Variants in SCUBE3 observed in about 807,000 individuals in gnomAD.
The protein encoded by SCUBE3 is signal peptide, CUB domain and EGF like domain containing 3, also known as signal peptide, CUB and EGF-like domain-containing protein 3.
A neutral mutation model predicts 116.8 loss-of-function variants in SCUBE3; 33 were observed. The observed-to-expected ratio is 0.28, with a 90% CI of 0.21 to 0.38. The LOEUF (loss-of-function observed/expected upper bound fraction) is 0.38. Ranked by LOEUF, SCUBE3 falls within the 10% of genes least tolerant of loss-of-function variation. SCUBE3 has a pLI of 1.00. For synonymous variants in SCUBE3, 418 were observed against 496.9 expected (o/e 0.84, Z 2.11); for missense variants, 1,007 against 1,324.8 (o/e 0.76, Z 3.72).
At position 35,235,433 on chromosome 6, in the gene SCUBE3, C is replaced by T; in HGVS notation, c.712+2132C>T. 7.8e-7 allele frequency: 1 copy of T among 1,279,550 alleles called. No individual in the cohort carries two copies. Among genetic ancestry groups the T allele is most frequent in the South Asian group, 1.2e-5 (1 of 80,818 alleles). The allele number at this position is 1,279,550 out of a possible 1,614,324, so 79.3% of individuals were successfully genotyped here. A position where few individuals can be genotyped will look rare whatever the true frequency, so the allele number is the denominator to read the frequency against. On this transcript the variant is annotated intron_variant, in intron 6 of 21. Coordinates refer to ENST00000274938, the MANE Select transcript of SCUBE3 (RefSeq NM_152753.4). This position sits in a 1 kb window ranked among gnomAD's most constrained non-coding sequence, Gnocchi z 4.5. ...GCCCAGCACCTAAACAGCTTTTTTA[C>T]AATGTCAAACAGGGGAAAGGCGGCT...
In SCUBE3 at chr6:35,244,801, C is replaced by T. The variant is rs34349325; in HGVS notation, c.2391C>T (p.Ala797=). ...ACTTTGATGGCTCTACCAGTGTGGC[C>T]CAATGCAAGAGTACGTGGCAAGCCA... The part of the protein sequence containing the change: ...STDFDGSTSV[A]QCKNRQCGGE... The change falls in exon 18 of 22, where the codon GCC becomes GCT. Residue 797 remains alanine (A), a synonymous_variant. Transcript: ENST00000274938. The surrounding 1 kb of genome is among the most constrained non-coding windows in gnomAD (Gnocchi z 4.3). 247 of 1,614,142 alleles carry T rather than the reference C, an allele frequency of 1.5e-4. No homozygotes were observed. The African/African-American group carries it at 3.1e-3, about 21-fold the overall frequency.
chr6:35,215,387 TC>T (rs1782844400), intron 1 of SCUBE3, among the ~76,000 whole-genome samples: 1 of 152,118 alleles, frequency 6.6e-6, no homozygotes, highest in African/African-American at 2.4e-5. Flanking sequence ...TACAGTTCTC[TC>T]GGGACAGTTT....
rs946176168 is a variant in SCUBE3 at position 35,252,954 on chromosome 6, A to G, written c.*4249A>G. The G allele has an allele frequency of 6.6e-6, 1 of 152,250 alleles. No homozygotes were observed. The highest frequency in any genetic ancestry group is 2.4e-5 in the African/African-American group (1 of 41,454). The allele number at this position is 152,250 out of a possible 1,614,324, so 9.4% of individuals were successfully genotyped here. A position where few individuals can be genotyped will look rare whatever the true frequency, so the allele number is the denominator to read the frequency against. Reference sequence around the variant, plus strand: ...ATCTCCTATACAATCGACAATAAACAGCAAATGATGCAGTTCATAGAGTAT... The same window carrying G: ...ATCTCCTATACAATCGACAATAAACGGCAAATGATGCAGTTCATAGAGTAT... On this transcript the variant is annotated 3_prime_UTR_variant, in exon 22 of 22. Transcript: ENST00000274938.
rs1160370716 is a variant in SCUBE3 at position 35,244,909 on chromosome 6, G to A, written c.2401+98G>A. On this transcript the variant is annotated intron_variant, in intron 18 of 21. Transcript: ENST00000274938. This position sits in a 1 kb window ranked among gnomAD's most constrained non-coding sequence, Gnocchi z 4.3. ...TGAAACCAACAGGGAGCAGGGCTGGGGGGTGGAGGAGCAGGAAAACTCCAC... is the reference window on the plus strand; with the variant it reads ...TGAAACCAACAGGGAGCAGGGCTGGAGGGTGGAGGAGCAGGAAAACTCCAC... 1.6e-6 allele frequency: 2 copies of A among 1,240,562 alleles called. No individual in the cohort carries two copies. The highest frequency in any genetic ancestry group is 2.0e-5 in the Admixed American group (1 of 51,142). The allele number at this position is 1,240,562 out of a possible 1,614,324, so 76.8% of individuals were successfully genotyped here. A position where few individuals can be genotyped will look rare whatever the true frequency, so the allele number is the denominator to read the frequency against.
At position 35,235,501 on chromosome 6, in the gene SCUBE3, T is replaced by G. The variant is rs776860114; in HGVS notation, c.712+2200T>G. The G allele has an allele frequency of 2.3e-6, 3 of 1,278,290 alleles. No individual in the cohort carries two copies. 79.2% of individuals were successfully genotyped at this position (1,278,290 alleles called of 1,614,324 possible). A position where few individuals can be genotyped will look rare whatever the true frequency, so the allele number is the denominator to read the frequency against. ...CTCAAGCCGTTTCTAATGGTAAATATGTCTGCTCTCTCCGCTTGCTCTCAC... is the reference window on the plus strand; with the variant it reads ...CTCAAGCCGTTTCTAATGGTAAATAGGTCTGCTCTCTCCGCTTGCTCTCAC... On this transcript the variant is annotated intron_variant, in intron 6 of 21. Coordinates refer to ENST00000274938, the MANE Select transcript of SCUBE3 (RefSeq NM_152753.4). The surrounding 1 kb of genome is among the most constrained non-coding windows in gnomAD (Gnocchi z 4.5).
At position 35,244,187 on chromosome 6, in the gene SCUBE3, A is replaced by C; in HGVS notation, c.2239+57A>C. 1.4e-6 allele frequency: 2 copies of C among 1,479,110 alleles called. No homozygotes were observed. The highest frequency in any genetic ancestry group is 1.8e-6 in the Non-Finnish European group (2 of 1,082,790). 91.6% of individuals were successfully genotyped at this position (1,479,110 alleles called of 1,614,324 possible). On this transcript the variant is annotated intron_variant, in intron 17 of 21. Coordinates refer to ENST00000274938, the MANE Select transcript of SCUBE3 (RefSeq NM_152753.4). This position sits in a 1 kb window ranked among gnomAD's most constrained non-coding sequence, Gnocchi z 4.3. Reference sequence around the variant, plus strand: ...CCCCAACCCCAACTACTCCCAAAAAACTCTCCAATTTCCCAGAGGGGACAC... The same window carrying C: ...CCCCAACCCCAACTACTCCCAAAAACCTCTCCAATTTCCCAGAGGGGACAC...
At position 35,239,145 on chromosome 6, in the gene SCUBE3, C is replaced by A. The variant is rs1038481863; in HGVS notation, c.830-607C>A. ...GCCTCAGGCCTGAGTCTCTCCAGAT[C>A]TCTCCCAGTCCAGCCCCTTGCCTGG... is the stretch of plus-strand genomic sequence containing the variant. On this transcript the variant is annotated intron_variant, in intron 7 of 21. Transcript: ENST00000274938. The surrounding 1 kb of genome is among the most constrained non-coding windows in gnomAD (Gnocchi z 4.1). Among the ~76,000 whole-genome samples, 1 of 152,098 alleles carries A rather than the reference C, an allele frequency of 6.6e-6. No individual in the cohort carries two copies.
At position 35,231,158 on chromosome 6, in the gene SCUBE3, G is replaced by A. The variant is rs541654066; in HGVS notation, c.335-567G>A. On this transcript the variant is annotated intron_variant, in intron 3 of 21. Transcript: ENST00000274938. This position sits in a 1 kb window ranked among gnomAD's most constrained non-coding sequence, Gnocchi z 4.2. ...GCAAGCCCAGGCACAGGGGGGAGGG[G>A]AGGAAGGACAGGGCTGTGGCCTGTC... is the stretch of plus-strand genomic sequence containing the variant. 5.5e-4 allele frequency among the ~76,000 whole-genome samples: 83 copies of A among 152,244 alleles called. No individual in the cohort carries two copies. Among genetic ancestry groups the A allele is most frequent in the African/African-American group, 1.9e-3 (80 of 41,534 alleles).
rs377578175 is a variant in SCUBE3 at position 35,244,815 on chromosome 6, C to T, written c.2401+4C>T. The T allele has an allele frequency of 4.2e-5, 68 of 1,613,854 alleles. No homozygotes were observed. The highest frequency in any genetic ancestry group is 3.9e-4 in the African/African-American group (29 of 75,022). ...ACCAGTGTGGCCCAATGCAAGAGTA[C>T]GTGGCAAGCCAGGCTGTGCAAAAGG... On this transcript the variant is annotated splice_donor_region_variant and intron_variant, in intron 18 of 21. Coordinates refer to ENST00000274938, the MANE Select transcript of SCUBE3 (RefSeq NM_152753.4). This position sits in a 1 kb window ranked among gnomAD's most constrained non-coding sequence, Gnocchi z 4.3.
Position 35,240,398 on chromosome 6 carries a change from G to A in SCUBE3, c.977G>A (p.Arg326Gln), listed in dbSNP as rs755397335. 1.9e-6 allele frequency: 3 copies of A among 1,604,248 alleles called. No homozygotes were observed. The highest frequency in any genetic ancestry group is 2.7e-5 in the African/African-American group (2 of 74,508). Reference protein sequence around the residue: ...CQDIDECSFDRTCDHICVNTP... With the variant: ...CQDIDECSFDQTCDHICVNTP... Reference sequence around the variant, plus strand: ...GATATAGACGAGTGTTCCTTTGATCGAACCTGTGACCACATATGTGTCAAC... The same window carrying A: ...GATATAGACGAGTGTTCCTTTGATCAAACCTGTGACCACATATGTGTCAAC... The change falls in exon 9 of 22, where the codon CGA (arginine) becomes CAA (glutamine). Residue 326 changes from arginine (R) to glutamine (Q), a missense_variant. Around this residue, in one of 5 missense-constraint regions of SCUBE3, gnomAD observed 214 missense variants for 316.7 expected, o/e 0.68. Coordinates refer to ENST00000274938, the MANE Select transcript of SCUBE3 (RefSeq NM_152753.4). The surrounding 1 kb of genome is among the most constrained non-coding windows in gnomAD (Gnocchi z 4.6).
chr6:35,241,091 C>G lies in SCUBE3; in HGVS notation c.1070-50C>G. Reference sequence around the variant, plus strand: ...CTCACTCACTGCCTACTCTCCGGCTCCTCCTCCAACTCCATCGTTGTTTTT... The same window carrying G: ...CTCACTCACTGCCTACTCTCCGGCTGCTCCTCCAACTCCATCGTTGTTTTT... On this transcript the variant is annotated intron_variant, in intron 9 of 21. Coordinates refer to ENST00000274938, the MANE Select transcript of SCUBE3 (RefSeq NM_152753.4). The surrounding 1 kb of genome is among the most constrained non-coding windows in gnomAD (Gnocchi z 4.1). 2 of 1,551,364 alleles carry G rather than the reference C, an allele frequency of 1.3e-6. No homozygotes were observed. Among genetic ancestry groups the G allele is most frequent in the East Asian group, 4.6e-5 (2 of 43,822 alleles).
rs775018026 is a variant in SCUBE3 at position 35,249,063 on chromosome 6, A to T, written c.*358A>T. The stretch of plus-strand genomic sequence containing the variant: ...GAAGGGTGCTAGAGGCCCATCAAGG[A>T]AGTGGGTCTGGTGGGAAACGGGGAG... On this transcript the variant is annotated 3_prime_UTR_variant, in exon 22 of 22. Coordinates refer to ENST00000274938, the MANE Select transcript of SCUBE3 (RefSeq NM_152753.4). The T allele has an allele frequency of 5.2e-6, 1 of 191,990 alleles. No individual in the cohort carries two copies. The highest frequency in any genetic ancestry group is 1.1e-5 in the Non-Finnish European group (1 of 93,524). The allele number at this position is 191,990 out of a possible 1,614,324, so 11.9% of individuals were successfully genotyped here. A position where few individuals can be genotyped will look rare whatever the true frequency, so the allele number is the denominator to read the frequency against.
intron 1 of SCUBE3, chr6:35,223,403 A>C (rs985898008): frequency 6.6e-6 from 1 of 152,204 alleles, no homozygotes; most frequent in African/African-American, 2.4e-5. Context: ...AGAGCTAGCA[A>C]TTGAACTGAC....
intron 12 of SCUBE3, 111 bp downstream of exon 12, chr6:35,242,021 C>A (rs946720536): frequency 1.2e-5 from 11 of 913,160 alleles, no homozygotes; most frequent in Non-Finnish European, 2.0e-5. Flanking sequence ...CTCTTTTTTG[C>A]CCTGTAATTC....
rs374075714 is a variant in SCUBE3 at position 35,233,222 on chromosome 6, G to A, written c.633G>A (p.Thr211=). 5.6e-6 allele frequency: 9 copies of A among 1,613,872 alleles called. No individual in the cohort carries two copies. Among genetic ancestry groups the A allele is most frequent in the South Asian group, 1.1e-5 (1 of 91,068 alleles). Residue 211 remains threonine, a synonymous_variant, in exon 6 of 22, where the codon ACG becomes ACA. Coordinates refer to ENST00000274938, the MANE Select transcript of SCUBE3 (RefSeq NM_152753.4). The surrounding 1 kb of genome is among the most constrained non-coding windows in gnomAD (Gnocchi z 5.7). ...ATGGTAACGGCGGCTGCCAGCACAC[G>A]TGTGATGACACAGAGCAGGGTCCCC... ...CNYGNGGCQH[T]CDDTEQGPRC...
rs1469588265 is a variant in SCUBE3, at chr6:35,251,702, G to A, written c.*2997G>A. The A allele has an allele frequency of 6.6e-6, 1 of 152,228 alleles. No individual in the cohort carries two copies. Among genetic ancestry groups the A allele is most frequent in the Non-Finnish European group, 1.5e-5 (1 of 68,038 alleles). 9.4% of individuals were successfully genotyped at this position (152,228 alleles called of 1,614,324 possible). The stretch of plus-strand genomic sequence containing the variant: ...AGGCTTCTTAATTGATGTCAAGGCA[G>A]ATCTTGGTGAGCAGGTAAAAACCTG... On this transcript the variant is annotated 3_prime_UTR_variant, in exon 22 of 22. Transcript: ENST00000274938.
rs761116670 is a variant in SCUBE3 at position 35,244,859 on chromosome 6, G to A, written c.2401+48G>A. On this transcript the variant is annotated intron_variant, in intron 18 of 21. Transcript: ENST00000274938. This position sits in a 1 kb window ranked among gnomAD's most constrained non-coding sequence, Gnocchi z 4.3. ...CAAAAGGGAGGAGAGAGGCCTGGGAGCAGTGGACATCTAAAGGAGGGGTGT... is the reference window on the plus strand; with the variant it reads ...CAAAAGGGAGGAGAGAGGCCTGGGAACAGTGGACATCTAAAGGAGGGGTGT... 1.9e-6 allele frequency: 3 copies of A among 1,584,062 alleles called. No individual in the cohort carries two copies. Among genetic ancestry groups the A allele is most frequent in the South Asian group, 2.2e-5 (2 of 89,740 alleles).
intron 1 of SCUBE3, 102 bp from the exon 2 acceptor site, chr6:35,227,478 T>C: frequency 7.9e-7 from 1 of 1,265,476 alleles, no homozygotes; most frequent in Non-Finnish European, 1.1e-6. Flanking sequence ...TCACTGCCTC[T>C]GTTTTAGAGA....
intron 6 of SCUBE3, among the ~76,000 whole-genome samples, chr6:35,234,972 G>T (rs1401648643): frequency 1.3e-5 from 2 of 152,176 alleles, no homozygotes; most frequent in Non-Finnish European, 2.9e-5. Context: ...TTCTCCAATA[G>T]AACTTATTTT....
Sources: allele counts gnomAD v4.1 joint callset (sites outside exome capture counted in the v4.1 genomes callset), GRCh38; gene constraint gnomAD v4.1.1; regional missense constraint gnomAD v4.1.1; non-coding constraint Gnocchi (gnomAD v3.1); transcripts MANE v1.5; gene names NCBI Gene and HGNC (gene_info 2026-07-23, HGNC 2026-07-21).